The following PACC1 variants were observed in gnomAD, a reference collection of about 807,000 sequenced individuals.
The protein encoded by PACC1 is proton activated chloride channel 1.
A neutral mutation model predicts 39.7 loss-of-function variants in PACC1; 34 were observed. The ratio of observed to expected loss-of-function variants is 0.86; its 90% CI spans 0.65 to 1.14. The LOEUF is 1.14. Among genes scored for constraint, PACC1 ranks in the 50% most tolerant of loss-of-function variants. The probability of loss-of-function intolerance (pLI) is 0.00; values close to 1 mark genes in which losing one functional copy is unlikely to be tolerated. For missense variants in PACC1, 379 were observed against 436.4 expected, an observed-to-expected ratio of 0.87 and a Z score of 1.17; for synonymous variants, 127 against 160.6, an observed-to-expected ratio of 0.79 and a Z score of 1.58.
chr1:212,382,141 C>T (rs2884465), intron 4 of PACC1, among the ~76,000 whole-genome samples: 25,177 of 151,836 alleles, frequency 0.17, 2,535 homozygotes, highest in South Asian at 0.3. Flanking sequence ...CGGGTTCAGG[C>T]GATTCTCCTG....
intron 1 of PACC1, chr1:212,413,817 G>C: frequency 7.1e-7 from 1 of 1,418,006 alleles, no homozygotes; most frequent in Non-Finnish European, 9.3e-7. Context: ...GAGTATAAGA[G>C]ACTAAAGGGA....
At chr1:212,410,372 G>T in intron 2 of PACC1, 53 bp downstream of exon 2, 3 of 1,552,578 alleles carry the variant, frequency 1.9e-6, no homozygotes, top group South Asian at 1.1e-5. Context: ...AAGGCGCCTA[G>T]ACTGGGGTGT....
At chr1:212,410,677 G>A (rs893828154) in intron 1 of PACC1, among the ~76,000 whole-genome samples, 156 bp from the exon 2 acceptor site, 10 of 152,194 alleles carry the variant, frequency 6.6e-5, no homozygotes, top group Admixed American at 2.0e-4. Context: ...TGAGGACACC[G>A]AAGCTCAGAA....
chr1:212,365,535 A>G (rs904129768), intron 7 of PACC1, among the ~76,000 whole-genome samples, 159 bp from the exon 8 acceptor site: 4 of 151,422 alleles, frequency 2.6e-5, no homozygotes, highest in South Asian at 2.1e-4. Context: ...GGTTCAAGCA[A>G]TTCTCCTGCC....
chr1:212,398,173 C>T (rs1661589290), intron 2 of PACC1, among the ~76,000 whole-genome samples: 1 of 151,886 alleles, frequency 6.6e-6, no homozygotes, highest in African/African-American at 2.4e-5. Flanking sequence ...ATGAAAATAG[C>T]AAAAATAAAG....
At position 212,414,871 on chromosome 1, in the gene PACC1, G is replaced by C. The variant is rs1285479938; in HGVS notation, c.-114C>G. ...GGCTCCGCGAGGCGAAACCGGTCCG[G>C]AGGGGCGTCCCAGAGACCAGGCGTG... On this transcript the variant is annotated 5_prime_UTR_variant, in exon 1 of 8. Coordinates refer to ENST00000261455, the MANE Select transcript of PACC1 (RefSeq NM_018252.3). The C allele has an allele frequency of 7.1e-7, 1 of 1,399,462 alleles. No individual in the cohort carries two copies. Among genetic ancestry groups the C allele is most frequent in the Admixed American group, 2.0e-5 (1 of 49,550 alleles). 86.7% of individuals were successfully genotyped at this position (1,399,462 alleles called of 1,614,324 possible).
At chr1:212,368,404 A>G (rs1660320372) in intron 7 of PACC1, among the ~76,000 whole-genome samples, 1 of 152,180 alleles carries the variant, frequency 6.6e-6, no homozygotes. Context: ...CCAGTGACCA[A>G]TCCGGGAGAG....
chr1:212,376,699 C>T (rs955905447), intron 6 of PACC1: 3 of 152,234 alleles, frequency 2.0e-5, no homozygotes, highest in Non-Finnish European at 4.4e-5. Context: ...AGCCTTGCTT[C>T]CTTGAAGAAA....
At position 212,364,673 on chromosome 1, in the gene PACC1, TCATTTAA is replaced by T. The variant is rs1183368923; in HGVS notation, c.*535_*541del. 3 of 152,622 alleles carry T rather than the reference TCATTTAA, an allele frequency of 2.0e-5. No homozygotes were observed. Among genetic ancestry groups the T allele is most frequent in the Non-Finnish European group, 4.4e-5 (3 of 68,050 alleles). 9.5% of individuals were successfully genotyped at this position (152,622 alleles called of 1,614,324 possible). A position where few individuals can be genotyped will look rare whatever the true frequency, so the allele number is the denominator to read the frequency against. ...ACTAGTTTCTAGTAGCCTTAAAGTC[TCATTTAA>T]CATTTAACAAATCAAAGAGCATGTC... On this transcript the variant is annotated 3_prime_UTR_variant, in exon 8 of 8. Transcript: ENST00000261455.
In PACC1 at chr1:212,377,587, C is replaced by A; in HGVS notation, c.758G>T (p.Arg253Leu). The change falls in exon 6 of 8, where the codon CGG (arginine) becomes CTG (leucine). Residue 253 changes from arginine (R) to leucine (L), a missense_variant. Physicochemically the swap from Arg to Leu is moderately radical, Grantham distance 102. Coordinates refer to ENST00000261455, the MANE Select transcript of PACC1 (RefSeq NM_018252.3). The stretch of plus-strand genomic sequence containing the variant: ...CTCCTGCCGGAACTCCACTGCTTCC[C>A]GCCCATCCTCCTCCTTGGTCTTTAC... ...SLVKTKEEDG[R>L]EAVEFRQETS... 1 of 1,614,160 alleles carries A rather than the reference C, an allele frequency of 6.2e-7. No homozygotes were observed. The highest frequency in any genetic ancestry group is 8.5e-7 in the Non-Finnish European group (1 of 1,179,998).
At chr1:212,413,751 G>T in intron 1 of PACC1, 1 of 886,108 alleles carries the variant, frequency 1.1e-6, no homozygotes, top group Non-Finnish European at 1.7e-6. Flanking sequence ...GCAGCGTCAG[G>T]TCTGAGAAAA....
intron 5 of PACC1, 76 bp downstream of exon 5, chr1:212,379,819 T>C (rs2102485243): frequency 1.3e-6 from 2 of 1,579,602 alleles, no homozygotes; most frequent in East Asian, 2.2e-5. Flanking sequence ...CCCCTCCGTC[T>C]CTAGCCTTGG....
chr1:212,394,917 C>T (rs1185753218), intron 2 of PACC1, among the ~76,000 whole-genome samples: 1 of 152,192 alleles, frequency 6.6e-6, no homozygotes, highest in East Asian at 1.9e-4. Flanking sequence ...CTACAAACCA[C>T]TGCTCAATGA....
chr1:212,366,703 A>G (rs1234617716), intron 7 of PACC1, among the ~76,000 whole-genome samples: 1 of 152,148 alleles, frequency 6.6e-6, no homozygotes, highest in Non-Finnish European at 1.5e-5. Context: ...CTTGGCCCAT[A>G]ATAGGTACCT....
At chr1:212,370,625 GA>G (rs1660414335) in intron 7 of PACC1, among the ~76,000 whole-genome samples, 1 of 152,144 alleles carries the variant, frequency 6.6e-6, no homozygotes, top group Non-Finnish European at 1.5e-5. Context: ...AATAAAACTA[GA>G]AATCAATAAT....
At chr1:212,373,469 G>A (rs375992116) in intron 7 of PACC1, among the ~76,000 whole-genome samples, 1 of 152,084 alleles carries the variant, frequency 6.6e-6, no homozygotes, top group African/African-American at 2.4e-5. Context: ...TCAAAAAGCA[G>A]AGTCAACAAA....
chr1:212,385,544 G>A (rs553932115), intron 3 of PACC1, 119 bp from the exon 4 acceptor site: 346 of 1,112,414 alleles, frequency 3.1e-4, no homozygotes, highest in Non-Finnish European at 1.2e-5. Flanking sequence ...TGCAGGGAAG[G>A]GAGAAGAAAA....
rs544121812 is a variant in PACC1 at position 212,410,286 on chromosome 1, G to A, written c.133+139C>T. On this transcript the variant is annotated intron_variant, in intron 2 of 7. Coordinates refer to ENST00000261455, the MANE Select transcript of PACC1 (RefSeq NM_018252.3). ...TTCCAAGGCTGGTTAAATATGTATG[G>A]CTTTAAAACTAGGGCAATACTTGAG... The A allele has an allele frequency of 3.3e-5, 25 of 767,760 alleles. No homozygotes were observed. The East Asian group carries it at 5.2e-4, about 16-fold the overall frequency. 47.6% of individuals were successfully genotyped at this position (767,760 alleles called of 1,614,324 possible). A position where few individuals can be genotyped will look rare whatever the true frequency, so the allele number is the denominator to read the frequency against.
intron 2 of PACC1, among the ~76,000 whole-genome samples, chr1:212,408,057 G>C (rs1363877341): frequency 6.8e-6 from 1 of 146,684 alleles, no homozygotes; most frequent in African/African-American, 2.5e-5. Flanking sequence ...CTGGGTGACA[G>C]AGTGAGACTC....
Sources: allele counts gnomAD v4.1 joint callset (sites outside exome capture counted in the v4.1 genomes callset), GRCh38; gene constraint gnomAD v4.1.1; transcripts MANE v1.5; gene names NCBI Gene and HGNC (gene_info 2026-07-23, HGNC 2026-07-21).